Variants in SERINC5 observed in about 807,000 individuals in gnomAD.
SERINC5 encodes chromosome 5 open reading frame 12.
Under a neutral mutation model 63.1 loss-of-function variants are expected in SERINC5, and 41 were observed. The ratio of observed to expected loss-of-function variants is 0.65; its 90% CI spans 0.51 to 0.84. SERINC5 has a LOEUF of 0.84. SERINC5 is among the 40% of genes least tolerant of loss of function. The pLI, the probability that SERINC5 is intolerant of heterozygous loss-of-function variation, is 0.00. For missense variants in SERINC5, 523 were observed against 573.0 expected (o/e 0.91, Z 0.89); for synonymous variants, 222 against 215.2 (o/e 1.03, Z -0.28).
At chr5:80,112,820 T>C (rs1234127209) in intron 12 of SERINC5, among the ~76,000 whole-genome samples, 1 of 152,084 alleles carries the variant, frequency 6.6e-6, no homozygotes, top group Non-Finnish European at 1.5e-5. Context: ...TTTAATTAGC[T>C]GGGCATGGTG....
intron 1 of SERINC5, among the ~76,000 whole-genome samples, chr5:80,212,256 A>G (rs536786951): frequency 1.3e-5 from 2 of 152,300 alleles, no homozygotes; most frequent in South Asian, 4.1e-4. Context: ...GAAGCTGACC[A>G]AGCTGTTAGA....
intron 7 of SERINC5, among the ~76,000 whole-genome samples, chr5:80,160,595 G>GT (rs142081433): frequency 0.014 from 2,187 of 152,320 alleles, 24 homozygotes; most frequent in Middle Eastern, 0.024. Flanking sequence ...GGGTACAAGT[G>GT]TAACTTTTTT....
intron 5 of SERINC5, among the ~76,000 whole-genome samples, chr5:80,169,920 C>T (rs571788708): frequency 3.5e-4 from 54 of 152,304 alleles, no homozygotes; most frequent in African/African-American, 1.3e-3. Flanking sequence ...CCTAAAAGCA[C>T]ACAAGTCACA....
rs752186814 is a variant in SERINC5 at position 80,222,561 on chromosome 5, A to AGTGT, written c.28-19512_28-19509dup. On this transcript the variant is annotated intron_variant, in intron 1 of 11. Coordinates refer to ENST00000507668, the MANE Select transcript of SERINC5 (RefSeq NM_001174072.3). ...TGGGTTTTTTGTGGGTGAGTGTGTG[A>AGTGT]GTGTGTGAGTGTGTGTGTGTGTGTG... Among the ~76,000 whole-genome samples the AGTGT allele has an allele frequency of 5.2e-3, 765 of 146,304 alleles. 3 individuals are homozygous for AGTGT. The highest frequency in any genetic ancestry group is 0.023 in the East Asian group (117 of 5,092).
chr5:80,204,626 G>A (rs571390901), intron 1 of SERINC5, among the ~76,000 whole-genome samples: 10 of 152,310 alleles, frequency 6.6e-5, no homozygotes, highest in African/African-American at 2.2e-4. Flanking sequence ...AAAAGGCACA[G>A]TTCATCTGAA....
At chr5:80,152,856 G>A (rs1746274949) in intron 8 of SERINC5, among the ~76,000 whole-genome samples, 1 of 152,150 alleles carries the variant, frequency 6.6e-6, no homozygotes, top group African/African-American at 2.4e-5. Flanking sequence ...CAGGAAAATT[G>A]CTTGACACTC....
At chr5:80,114,270 C>T (rs919519499) in intron 11 of SERINC5, among the ~76,000 whole-genome samples, 1 of 151,958 alleles carries the variant, frequency 6.6e-6, no homozygotes, top group Non-Finnish European at 1.5e-5. Flanking sequence ...AGGAAACTTA[C>T]AATCATGGCA....
intron 2 of SERINC5, among the ~76,000 whole-genome samples, chr5:80,191,712 T>C (rs1036084540): frequency 1.3e-5 from 2 of 151,518 alleles, no homozygotes; most frequent in Non-Finnish European, 2.9e-5. Context: ...TTTTTTAACT[T>C]GTAAACAATT....
intron 11 of SERINC5, chr5:80,128,293 G>A (rs1342430916): frequency 1.3e-5 from 2 of 152,192 alleles, no homozygotes; most frequent in African/African-American, 4.8e-5. Context: ...TGCCCTCAGG[G>A]TCTTCTGGCT....
At chr5:80,130,243 G>T (rs1409970145) in intron 11 of SERINC5, among the ~76,000 whole-genome samples, 3 of 152,086 alleles carry the variant, frequency 2.0e-5, no homozygotes, top group Non-Finnish European at 4.4e-5. Context: ...AGCCGGGCCT[G>T]GTGGCAGGCA....
intron 5 of SERINC5, among the ~76,000 whole-genome samples, chr5:80,173,213 G>T (rs1350819130): frequency 7.0e-6 from 1 of 142,216 alleles, no homozygotes; most frequent in South Asian, 2.3e-4. Flanking sequence ...GAAGAGGAAA[G>T]GCAGGAAGGA....
intron 1 of SERINC5, among the ~76,000 whole-genome samples, chr5:80,217,269 C>T (rs889039502): frequency 6.6e-6 from 1 of 152,110 alleles, no homozygotes; most frequent in South Asian, 2.1e-4. Context: ...GCTTATCAAC[C>T]GGCAGCCAGT....
chr5:80,136,542 C>A (rs1053991472), downstream of SERINC5, among the ~76,000 whole-genome samples: 2 of 152,072 alleles, frequency 1.3e-5, no homozygotes, highest in Non-Finnish European at 2.9e-5. Context: ...AATCAACTTA[C>A]AATGAATTAA....
intron 7 of SERINC5, among the ~76,000 whole-genome samples, chr5:80,161,958 T>G (rs947205086): frequency 3.3e-5 from 5 of 152,192 alleles, no homozygotes; most frequent in African/African-American, 1.2e-4. Context: ...GACCACTTAT[T>G]GAAAAGGGTA....
intron 1 of SERINC5, among the ~76,000 whole-genome samples, chr5:80,233,387 A>G (rs1267609133): frequency 6.6e-6 from 1 of 152,198 alleles, no homozygotes; most frequent in Non-Finnish European, 1.5e-5. Context: ...AGATCGCACC[A>G]TTGCACTCCA....
chr5:80,154,635 T>A (rs1016705065), intron 8 of SERINC5, among the ~76,000 whole-genome samples: 3 of 151,004 alleles, frequency 2.0e-5, no homozygotes, highest in Non-Finnish European at 4.4e-5. Flanking sequence ...AAAAAATAAA[T>A]ATTCTTCCTT....
intron 2 of SERINC5, among the ~76,000 whole-genome samples, chr5:80,188,448 G>C (rs1213493775): frequency 1.3e-5 from 2 of 152,066 alleles, no homozygotes; most frequent in Non-Finnish European, 2.9e-5. Context: ...ATTCTAACTT[G>C]ATTGCTTCCC....
At chr5:80,112,099 G>C (rs917513447) in intron 12 of SERINC5, among the ~76,000 whole-genome samples, 1 of 152,128 alleles carries the variant, frequency 6.6e-6, no homozygotes, top group African/African-American at 2.4e-5. Flanking sequence ...TCATGGGATG[G>C]GAAAGACCTG....
chr5:80,149,852 C>T (rs952035580), intron 9 of SERINC5, among the ~76,000 whole-genome samples: 1 of 152,186 alleles, frequency 6.6e-6, no homozygotes, highest in Non-Finnish European at 1.5e-5. Context: ...GTTCTTGGGT[C>T]ACAGCTGAGT....
Sources: allele counts gnomAD v4.1 joint callset (sites outside exome capture counted in the v4.1 genomes callset), GRCh38; gene constraint gnomAD v4.1.1; transcripts MANE v1.5; gene names NCBI Gene and HGNC (gene_info 2026-07-23, HGNC 2026-07-21).